Variants in ACTR2 observed in about 807,000 individuals in gnomAD.
ACTR2 encodes actin-related protein 2.
A neutral mutation model predicts 50.2 loss-of-function variants in ACTR2; 5 were observed. The observed-to-expected ratio is 0.10, with a 90% CI of 0.05 to 0.21. ACTR2 has a LOEUF of 0.21. Among genes scored for constraint, ACTR2 ranks in the 10% least tolerant of loss-of-function variants. The pLI is 1.00. For missense variants in ACTR2, 180 were observed against 480.6 expected, an observed-to-expected ratio of 0.37 and a Z score of 5.85; for synonymous variants, 140 against 162.9, an observed-to-expected ratio of 0.86 and a Z score of 1.07.
intron 1 of ACTR2, among the ~76,000 whole-genome samples, chr2:65,229,052 C>T (rs1045331186): frequency 6.6e-6 from 1 of 151,882 alleles, no homozygotes; most frequent in Non-Finnish European, 1.5e-5. Context: ...TGCACTCCAG[C>T]CTGGGCGACA....
At chr2:65,246,367 A>G in intron 2 of ACTR2, 157 bp from the exon 3 acceptor site, 1 of 578,358 alleles carries the variant, frequency 1.7e-6, no homozygotes, top group Non-Finnish European at 3.0e-6. Flanking sequence ...TCCATGATTA[A>G]ACTTTCTAAG....
intron 7 of ACTR2, among the ~76,000 whole-genome samples, chr2:65,263,842 T>G (rs1672323762): frequency 6.6e-6 from 1 of 151,794 alleles, no homozygotes; most frequent in Admixed American, 6.6e-5. Context: ...AATCACGAGG[T>G]CAGGAGTTCA....
chr2:65,251,013 G>A lies in ACTR2; in HGVS notation c.376-14G>A, dbSNP rs185701999. ...TCTAAATACCAGTTTTTTTCTTTCT[G>A]TCTGCATTTACAGGTAATGTTTGAA... On this transcript the variant is annotated splice_polypyrimidine_tract_variant and intron_variant, in intron 3 of 8. Transcript: ENST00000260641. 5.1e-6 allele frequency: 8 copies of A among 1,572,618 alleles called. No homozygotes were observed. In the East Asian group the frequency reaches 1.8e-4, roughly 36 times the overall value.
At chr2:65,228,245 G>A (rs532344844) in intron 1 of ACTR2, 43 of 354,180 alleles carry the variant, frequency 1.2e-4, no homozygotes, top group African/African-American at 7.8e-4. Flanking sequence ...GACCTGCTCC[G>A]CGCTAATGCG....
chr2:65,261,494 A>C (rs1449178450), intron 7 of ACTR2, 102 bp downstream of exon 7: 9 of 1,159,422 alleles, frequency 7.8e-6, no homozygotes, highest in Non-Finnish European at 1.1e-5. Flanking sequence ...AGAATGACTA[A>C]GTTTATAAAC....
chr2:65,263,076 C>T (rs926350706), intron 7 of ACTR2, among the ~76,000 whole-genome samples: 2 of 151,612 alleles, frequency 1.3e-5, no homozygotes. Context: ...GAGTCTCGCT[C>T]TGTCGCCAGG....
At chr2:65,242,023 T>C (rs1450494801) in intron 2 of ACTR2, 5 of 1,609,096 alleles carry the variant, frequency 3.1e-6, no homozygotes, top group Admixed American at 1.7e-5. Flanking sequence ...TTCTCTCTCT[T>C]CACCTTTCTT....
chr2:65,242,534 C>T, intron 2 of ACTR2: 1 of 401,752 alleles, frequency 2.5e-6, no homozygotes, highest in South Asian at 1.9e-5. Context: ...ACTTAATAAA[C>T]TGAGTAAAAT....
intron 5 of ACTR2, 73 bp from the exon 6 acceptor site, chr2:65,255,472 G>A (rs1182707666): frequency 1.5e-6 from 2 of 1,332,934 alleles, no homozygotes; most frequent in Non-Finnish European, 2.1e-6. Context: ...CATATTTAAT[G>A]AGCATTACTA....
At chr2:65,236,114 G>A (rs1177903602) in intron 1 of ACTR2, among the ~76,000 whole-genome samples, 1 of 152,128 alleles carries the variant, frequency 6.6e-6, no homozygotes, top group Non-Finnish European at 1.5e-5. Context: ...CCAGGCTGGT[G>A]GATTACATGA....
At chr2:65,235,689 A>G (rs1166286962) in intron 1 of ACTR2, among the ~76,000 whole-genome samples, 9 of 152,160 alleles carry the variant, frequency 5.9e-5, no homozygotes. Context: ...CAGGAGGCAG[A>G]GGTTGCAATG....
chr2:65,256,857 G>A (rs186281873), intron 6 of ACTR2, among the ~76,000 whole-genome samples: 192 of 135,980 alleles, frequency 1.4e-3, no homozygotes, highest in Middle Eastern at 0.012. Flanking sequence ...GGGTGACAGA[G>A]CAAGACTCCA....
Position 65,243,153 on chromosome 2 carries a change from C to T in ACTR2, c.159+3191C>T, listed in dbSNP as rs150800939. 3.6e-3 allele frequency among the ~76,000 whole-genome samples: 545 copies of T among 152,036 alleles called. 3 individuals carry two copies. Among genetic ancestry groups the T allele is most frequent in the African/African-American group, 0.012 (499 of 41,464 alleles). ...AATCAGCCAGGTGTGGTGGTGTGTG[C>T]CTGTAATTCCAGCTACTCAGGAAGC... On this transcript the variant is annotated intron_variant, in intron 2 of 8. Coordinates refer to ENST00000260641, the MANE Select transcript of ACTR2 (RefSeq NM_005722.4).
At chr2:65,250,918 A>G in intron 3 of ACTR2, 109 bp from the exon 4 acceptor site, 1 of 612,576 alleles carries the variant, frequency 1.6e-6, no homozygotes, top group Non-Finnish European at 2.7e-6. Context: ...TTTCAGGTCC[A>G]TTTGATTCTA....
At chr2:65,251,589 G>T (rs1442834114) in intron 4 of ACTR2, among the ~76,000 whole-genome samples, 1 of 152,128 alleles carries the variant, frequency 6.6e-6, no homozygotes, top group African/African-American at 2.4e-5. Context: ...TCAAACTCCT[G>T]ACCTCAGGTA....
rs111508988 is a variant in ACTR2 at position 65,252,376 on chromosome 2, C to G, written c.448+1277C>G. ...TAGTTTTAGGCCGGGTGTGGTGGCTCACGCCTGTAATCCCAGCACTTTGGG... is the reference window on the plus strand; with the variant it reads ...TAGTTTTAGGCCGGGTGTGGTGGCTGACGCCTGTAATCCCAGCACTTTGGG... On this transcript the variant is annotated intron_variant, in intron 4 of 8. Transcript: ENST00000260641. 8.2e-3 allele frequency among the ~76,000 whole-genome samples: 1,240 copies of G among 152,118 alleles called. 29 individuals carry two copies. The highest frequency in any genetic ancestry group is 0.028 in the African/African-American group (1,146 of 41,502).
chr2:65,262,871 T>G lies in ACTR2; in HGVS notation c.881+1479T>G, dbSNP rs369624893. Among the ~76,000 whole-genome samples the G allele has an allele frequency of 2.6e-5, 4 of 151,692 alleles. No homozygotes were observed. In the South Asian group the frequency reaches 8.3e-4, roughly 31 times the overall value. On this transcript the variant is annotated intron_variant, in intron 7 of 8. Transcript: ENST00000260641. ...GTCCTAGCTACTCAGAAGGCTGAAG[T>G]GGGAGGATTGCTTGAGCTTGAGAGG... is the stretch of plus-strand genomic sequence containing the variant.
chr2:65,252,476 T>TAA (rs1252799102), intron 4 of ACTR2, among the ~76,000 whole-genome samples: 1 of 146,970 alleles, frequency 6.8e-6, no homozygotes, highest in Non-Finnish European at 1.5e-5. Context: ...CCGTCTCTAC[T>TAA]AAAAAAAAAA....
rs766967286 is a variant in ACTR2 at position 65,265,199 on chromosome 2, T to G, written c.1014+24T>G. The G allele has an allele frequency of 5.0e-6, 8 of 1,613,424 alleles. No homozygotes were observed. The Admixed American group carries it at 1.3e-4, about 27-fold the overall frequency. On this transcript the variant is annotated intron_variant, in intron 8 of 8. Coordinates refer to ENST00000260641, the MANE Select transcript of ACTR2 (RefSeq NM_005722.4). ...CTGTAAGTATTAGTAAATCAACTAT[T>G]ACTAACATTCTTTTAAAAGGCTATA... is the stretch of plus-strand genomic sequence containing the variant.
Sources: allele counts gnomAD v4.1 joint callset (sites outside exome capture counted in the v4.1 genomes callset), GRCh38; gene constraint gnomAD v4.1.1; transcripts MANE v1.5; gene names NCBI Gene and HGNC (gene_info 2026-07-23, HGNC 2026-07-21).